Variants in KLRG1 observed in about 807,000 individuals in gnomAD.
KLRG1 encodes the protein killer cell lectin-like receptor subfamily G member 1.
In KLRG1, 16 loss-of-function variants were observed where a neutral mutation model predicts 21.8. That is an observed-to-expected ratio of 0.73 (90% CI 0.50 to 1.11). The LOEUF is 1.11. KLRG1 is among the 50% of genes most tolerant of loss of function. The pLI is 0.00. For synonymous variants in KLRG1, 69 were observed against 75.9 expected (o/e 0.91, Z 0.47); for missense variants, 173 against 218.3 (o/e 0.79, Z 1.31).
At chr12:9,203,897 GCCCTTCTT>G in the KLRG1 span, 1 of 1,614,012 alleles carries the variant, frequency 6.2e-7, no homozygotes, top group African/African-American at 1.3e-5. Flanking sequence ...GAAGGACACA[GCCCTTCTT>G]AGGGGCCTCA....
chr12:9,140,540 T>C, the KLRG1 span, among the ~76,000 whole-genome samples: 3 of 152,240 alleles, frequency 2.0e-5, no homozygotes, highest in Admixed American at 2.0e-4. Context: ...TTATACTTGG[T>C]TTAATTATTT....
At chr12:9,130,061 A>T in the KLRG1 span, among the ~76,000 whole-genome samples, 12 of 152,194 alleles carry the variant, frequency 7.9e-5, no homozygotes, top group African/African-American at 2.9e-4. Flanking sequence ...TAGGTGAAAT[A>T]ATACAGTATT....
chr12:8,971,717 C>T (rs1946572406), intron 1 of KLRG1, among the ~76,000 whole-genome samples: 1 of 152,264 alleles, frequency 6.6e-6, no homozygotes, highest in Admixed American at 6.5e-5. Context: ...TCTTGAACTC[C>T]TGACCTCAAG....
At chr12:9,015,287 A>G (rs1350476628), downstream of KLRG1, among the ~76,000 whole-genome samples, 1 of 152,142 alleles carries the variant, frequency 6.6e-6, no homozygotes, top group Admixed American at 6.5e-5. Flanking sequence ...TAAAAACACA[A>G]GTAGACTGAA....
chr12:9,069,904 C>T, the KLRG1 span: 22 of 1,073,118 alleles, frequency 2.1e-5, no homozygotes. Context: ...CAAAATAACC[C>T]TGAGGGTAGA....
the KLRG1 span, chr12:9,070,483 C>T: frequency 6.2e-7 from 1 of 1,608,292 alleles, no homozygotes; most frequent in Non-Finnish European, 8.5e-7. Flanking sequence ...TTATGATAAA[C>T]CTACCATTTT....
At chr12:9,201,210 T>TA in the KLRG1 span, 7 of 1,322,500 alleles carry the variant, frequency 5.3e-6, no homozygotes, top group Non-Finnish European at 7.4e-6. Context: ...CAACTGGGAG[T>TA]AGGAGGAATT....
the KLRG1 span, among the ~76,000 whole-genome samples, chr12:9,160,751 A>G: frequency 6.6e-6 from 1 of 152,050 alleles, no homozygotes; most frequent in East Asian, 1.9e-4. Flanking sequence ...CGTCTCTACT[A>G]AAAATACAAA....
chr12:8,964,064 T>C (rs1450322533), intron 1 of KLRG1, among the ~76,000 whole-genome samples: 1 of 152,224 alleles, frequency 6.6e-6, no homozygotes, highest in Non-Finnish European at 1.5e-5. Flanking sequence ...TAGTTATTTC[T>C]TGCCTTCTGC....
intron 1 of KLRG1, among the ~76,000 whole-genome samples, chr12:8,978,795 A>AC (rs113409522): frequency 0.34 from 50,082 of 148,140 alleles, 8,802 homozygotes; most frequent in Admixed American, 0.4. Flanking sequence ...CCTCACTGCA[A>AC]CCTCTGCCTC....
chr12:9,038,572 A>G, the KLRG1 span, among the ~76,000 whole-genome samples: 1 of 152,222 alleles, frequency 6.6e-6, no homozygotes, highest in African/African-American at 2.4e-5. Context: ...ATTGCCTAGC[A>G]AAGTTGACAC....
At chr12:9,068,709 A>G in the KLRG1 span, 1 of 1,504,630 alleles carries the variant, frequency 6.6e-7, no homozygotes, top group Non-Finnish European at 9.1e-7. Flanking sequence ...CAGGAATTAA[A>G]TATTTCTACG....
the KLRG1 span, among the ~76,000 whole-genome samples, chr12:9,132,111 A>G: frequency 6.6e-6 from 1 of 152,210 alleles, no homozygotes; most frequent in African/African-American, 2.4e-5. Flanking sequence ...TTCAATGACC[A>G]TCTTGAGACA....
chr12:8,981,730 G>A (rs1466918785), intron 1 of KLRG1, among the ~76,000 whole-genome samples: 1 of 151,904 alleles, frequency 6.6e-6, no homozygotes, highest in African/African-American at 2.4e-5. Flanking sequence ...ATTTTGTTGG[G>A]TTAATTTAAT....
chr12:9,119,916 G>A, the KLRG1 span, among the ~76,000 whole-genome samples: 1 of 152,104 alleles, frequency 6.6e-6, no homozygotes, highest in African/African-American at 2.4e-5. Context: ...AAAAATAACT[G>A]GACCAGTTAG....
the KLRG1 span, chr12:9,156,083 C>A: frequency 4.3e-6 from 1 of 230,404 alleles, no homozygotes; most frequent in South Asian, 7.4e-5. Context: ...TTGATTTGTT[C>A]TGCAGCTCCT....
the KLRG1 span, among the ~76,000 whole-genome samples, chr12:9,019,617 C>T: frequency 2.0e-5 from 3 of 152,226 alleles, no homozygotes; most frequent in Admixed American, 6.5e-5. Context: ...TGGCTGGGCA[C>T]GGTGGCCAGG....
At chr12:9,084,120 T>G in the KLRG1 span, among the ~76,000 whole-genome samples, 1 of 151,896 alleles carries the variant, frequency 6.6e-6, no homozygotes, top group African/African-American at 2.4e-5. Context: ...GAGGGAGAAA[T>G]AAAACATTCC....
the KLRG1 span, among the ~76,000 whole-genome samples, chr12:9,062,746 TA>T: frequency 1.4e-5 from 2 of 148,144 alleles, no homozygotes; most frequent in African/African-American, 2.5e-5. Flanking sequence ...TTATCATTTA[TA>T]ATATATTGTT....
Sources: allele counts gnomAD v4.1 joint callset (sites outside exome capture counted in the v4.1 genomes callset), GRCh38; gene constraint gnomAD v4.1.1; transcripts MANE v1.5; gene names NCBI Gene and HGNC (gene_info 2026-07-23, HGNC 2026-07-21).